INSR: variants seen among roughly 807,000 people sequenced by gnomAD.
INSR encodes insulin receptor, also known as IR.
INSR carries 67 observed loss-of-function variants against 142.6 expected under a neutral mutation model. That is an observed-to-expected ratio of 0.47 (90% CI 0.39 to 0.58). The LOEUF (loss-of-function observed/expected upper bound fraction) is 0.58. Ranked by LOEUF, INSR falls within the 20% of genes least tolerant of loss-of-function variation. The pLI is 0.00. For missense variants in INSR, 1,248 were observed against 1,833.2 expected (o/e 0.68, Z 5.83); for synonymous variants, 756 against 743.1 (o/e 1.02, Z -0.28).
chr19:7,127,607 ATAT>A (rs1471191414), intron 15 of INSR, among the ~76,000 whole-genome samples: 4 of 152,206 alleles, frequency 2.6e-5, no homozygotes, highest in East Asian at 1.9e-4. Context: ...GCACTCAGTA[ATAT>A]TATGTCTACA....
intron 21 of INSR, among the ~76,000 whole-genome samples, chr19:7,118,053 T>C (rs1431595079): frequency 2.0e-5 from 3 of 151,866 alleles, no homozygotes; most frequent in African/African-American, 7.2e-5. Flanking sequence ...GTTCCAGGCA[T>C]GAGCCATCCT....
chr19:7,178,992 C>T (rs1209599122), intron 3 of INSR, among the ~76,000 whole-genome samples: 2 of 152,218 alleles, frequency 1.3e-5, no homozygotes, highest in Non-Finnish European at 2.9e-5. Flanking sequence ...CTCACTGCAG[C>T]CTCGAACTCC....
intron 2 of INSR, among the ~76,000 whole-genome samples, chr19:7,254,827 T>C (rs924634467): frequency 3.9e-5 from 6 of 152,088 alleles, no homozygotes; most frequent in African/African-American, 1.4e-4. Context: ...ACATGGGAAG[T>C]AACCGGTCAG....
chr19:7,240,568 T>C (rs1206318370), intron 2 of INSR, among the ~76,000 whole-genome samples: 2 of 152,190 alleles, frequency 1.3e-5, no homozygotes, highest in African/African-American at 4.8e-5. Flanking sequence ...AAACTCGTTG[T>C]CAAATACAAA....
intron 7 of INSR, 151 bp downstream of exon 7, chr19:7,167,817 T>G: frequency 9.7e-6 from 9 of 924,850 alleles, no homozygotes; most frequent in East Asian, 2.6e-5. Flanking sequence ...CATCGACTGG[T>G]GAGATTGTAA....
chr19:7,213,073 C>T (rs528256568), intron 2 of INSR, among the ~76,000 whole-genome samples: 1 of 151,718 alleles, frequency 6.6e-6, no homozygotes, highest in Non-Finnish European at 1.5e-5. Flanking sequence ...GGGCCGGGCG[C>T]GGTGGCTCAC....
At chr19:7,231,771 G>C (rs951363442) in intron 2 of INSR, among the ~76,000 whole-genome samples, 1 of 117,122 alleles carries the variant, frequency 8.5e-6, no homozygotes, top group South Asian at 2.9e-4. Context: ...AAACTTTTCT[G>C]TCTCTTTTTT....
rs977336101 is a variant in INSR at position 7,184,750 on chromosome 19, C to T, written c.653-113G>A. ...GTCTGCATATGCAGCAATTCTGGATCAGACAGTGAAAGCCAACCAAACACT... is the reference window on the plus strand; with the variant it reads ...GTCTGCATATGCAGCAATTCTGGATTAGACAGTGAAAGCCAACCAAACACT... On this transcript the variant is annotated intron_variant, in intron 2 of 21. Coordinates refer to ENST00000302850, the MANE Select transcript of INSR (RefSeq NM_000208.4). 9.3e-6 allele frequency: 8 copies of T among 862,642 alleles called. No homozygotes were observed. The African/African-American group carries it at 1.0e-4, about 11-fold the overall frequency. 53.4% of individuals were successfully genotyped at this position (862,642 alleles called of 1,614,324 possible). A position where few individuals can be genotyped will look rare whatever the true frequency, so the allele number is the denominator to read the frequency against.
intron 1 of INSR, among the ~76,000 whole-genome samples, chr19:7,285,308 C>T (rs954007012): frequency 4.6e-5 from 7 of 151,950 alleles, no homozygotes; most frequent in African/African-American, 7.3e-5. Context: ...AAAAACTAGC[C>T]GGGCATGGTG....
In INSR at chr19:7,168,038, G is replaced by GC. The variant is rs756560529; in HGVS notation, c.1539dup (p.Leu514AlafsTer49). On this transcript the variant is annotated frameshift_variant, in exon 7 of 22. Coordinates refer to ENST00000302850, the MANE Select transcript of INSR (RefSeq NM_000208.4). LOFTEE classifies it high-confidence loss of function. This position sits in a 1 kb window ranked among gnomAD's most constrained non-coding sequence, Gnocchi z 4.3. ...GGGGGCCAGTACGGCTCCCATCTCA[G>GC]CAAGATCTTGTCAAAAGATGTCCGA... The GC allele has an allele frequency of 1.2e-6, 2 of 1,613,864 alleles. No homozygotes were observed. Among genetic ancestry groups the GC allele is most frequent in the Non-Finnish European group, 1.7e-6 (2 of 1,179,928 alleles).
intron 2 of INSR, among the ~76,000 whole-genome samples, chr19:7,188,940 T>C (rs1287800561): frequency 1.3e-5 from 2 of 151,372 alleles, no homozygotes; most frequent in East Asian, 3.9e-4. Context: ...TTCTTAAGGC[T>C]GTTGCAAGAA....
chr19:7,223,617 G>A (rs1975688305), intron 2 of INSR, among the ~76,000 whole-genome samples: 1 of 152,210 alleles, frequency 6.6e-6, no homozygotes, highest in Non-Finnish European at 1.5e-5. Flanking sequence ...AGCACAGAAT[G>A]TGCTGCTTCT....
rs1407393469 is a variant in INSR at position 7,197,588 on chromosome 19, G to A, written c.653-12951C>T. Among the ~76,000 whole-genome samples the A allele has an allele frequency of 1.1e-4, 16 of 148,594 alleles. 2 individuals are homozygous for A. The highest frequency in any genetic ancestry group is 3.7e-4 in the African/African-American group (15 of 40,258). On this transcript the variant is annotated intron_variant, in intron 2 of 21. Transcript: ENST00000302850. The stretch of plus-strand genomic sequence containing the variant: ...AGTGTGTGTGTTTGGGTGTGTGTGT[G>A]TGTGTGTGTGTCAGATTCCAGAGTG...
intron 2 of INSR, among the ~76,000 whole-genome samples, chr19:7,188,915 G>C (rs1421866383): frequency 7.0e-6 from 1 of 143,520 alleles, no homozygotes; most frequent in African/African-American, 2.6e-5. Context: ...TTGTTAATAA[G>C]AGTCCCTTCC....
intron 15 of INSR, among the ~76,000 whole-genome samples, chr19:7,128,031 C>A (rs1289335013): frequency 6.6e-6 from 1 of 151,456 alleles, no homozygotes; most frequent in Non-Finnish European, 1.5e-5. Flanking sequence ...TGTGAGCCAC[C>A]GTGCCCAGCT....
intron 6 of INSR, among the ~76,000 whole-genome samples, chr19:7,170,051 T>A (rs1343838702): frequency 6.6e-6 from 1 of 152,108 alleles, no homozygotes; most frequent in Non-Finnish European, 1.5e-5. Flanking sequence ...CATGGCCTGT[T>A]ACGAACAGGG....
At chr19:7,286,562 AC>A (rs1968349633) in intron 1 of INSR, among the ~76,000 whole-genome samples, 1 of 150,278 alleles carries the variant, frequency 6.7e-6, no homozygotes, top group African/African-American at 2.5e-5. Flanking sequence ...TAATTTTTAA[AC>A]TTTTTCTAGA....
intron 1 of INSR, among the ~76,000 whole-genome samples, chr19:7,287,140 G>T (rs1040782890): frequency 1.3e-5 from 2 of 149,514 alleles, no homozygotes; most frequent in South Asian, 4.3e-4. Context: ...ATGAGCCACT[G>T]CACCTGGCCA....
chr19:7,132,631 G>A lies in INSR; in HGVS notation c.2683-314C>T, dbSNP rs543997311. On this transcript the variant is annotated intron_variant, in intron 13 of 21. Coordinates refer to ENST00000302850, the MANE Select transcript of INSR (RefSeq NM_000208.4). ...TTCCAGACGGAGTTTCACTCTTGTT[G>A]CCCAGGCTGGAGCGCAATGGCTTAA... Among the ~76,000 whole-genome samples, 685 of 146,448 alleles carry A rather than the reference G, an allele frequency of 4.7e-3. 2 individuals carry two copies. The highest frequency in any genetic ancestry group is 0.013 in the South Asian group (61 of 4,628).
Sources: allele counts gnomAD v4.1 joint callset (sites outside exome capture counted in the v4.1 genomes callset), GRCh38; gene constraint gnomAD v4.1.1; non-coding constraint Gnocchi (gnomAD v3.1); transcripts MANE v1.5; gene names NCBI Gene and HGNC (gene_info 2026-07-23, HGNC 2026-07-21).